The following SORCS3 variants were observed in gnomAD, a reference collection of about 807,000 sequenced individuals.
The protein encoded by SORCS3 is VPS10 domain-containing receptor SorCS3.
Under a neutral mutation model 146.3 loss-of-function variants are expected in SORCS3, and 57 were observed. The ratio of observed to expected loss-of-function variants is 0.39; its 90% CI spans 0.31 to 0.49. The LOEUF (loss-of-function observed/expected upper bound fraction) is 0.49. Among genes scored for constraint, SORCS3 ranks in the 20% least tolerant of loss-of-function variants. The pLI, the probability that SORCS3 is intolerant of heterozygous loss-of-function variation, is 0.92. For synonymous variants in SORCS3, 653 were observed against 618.5 expected (o/e 1.06, Z -0.83); for missense variants, 1,341 against 1,575.5 (o/e 0.85, Z 2.52).
At chr10:104,819,877 G>A (rs145316731) in intron 1 of SORCS3, among the ~76,000 whole-genome samples, 2,120 of 152,288 alleles carry the variant, frequency 0.014, 32 homozygotes, top group African/African-American at 0.036. Context: ...AGGCAGTGAC[G>A]TGGCCTTCAC....
intron 7 of SORCS3, among the ~76,000 whole-genome samples, chr10:105,132,775 G>C (rs1288921746): frequency 6.6e-6 from 1 of 152,180 alleles, no homozygotes; most frequent in Non-Finnish European, 1.5e-5. Context: ...TAACGAACCA[G>C]TCATTAGTAA....
intron 1 of SORCS3, among the ~76,000 whole-genome samples, chr10:104,748,540 C>G (rs764215605): frequency 1.3e-5 from 2 of 152,052 alleles, no homozygotes; most frequent in Non-Finnish European, 2.9e-5. Context: ...AGGAAAAATC[C>G]AGGCCTCAGG....
At chr10:105,174,666 TG>T (rs111403675) in intron 13 of SORCS3, among the ~76,000 whole-genome samples, 15,180 of 152,184 alleles carry the variant, frequency 0.1, 859 homozygotes, top group Middle Eastern at 0.16. Flanking sequence ...ATGTCATCTT[TG>T]GGCTTCAGTT....
chr10:105,071,631 G>A (rs2055557109), intron 5 of SORCS3, among the ~76,000 whole-genome samples: 1 of 152,146 alleles, frequency 6.6e-6, no homozygotes, highest in Non-Finnish European at 1.5e-5. Context: ...ATAGAGAAAA[G>A]GGTATCGATC....
intron 4 of SORCS3, among the ~76,000 whole-genome samples, chr10:104,994,640 G>T (rs1171574149): frequency 6.6e-6 from 1 of 151,978 alleles, no homozygotes; most frequent in Non-Finnish European, 1.5e-5. Flanking sequence ...CACAATTGGT[G>T]GTACTCTTTA....
At chr10:104,975,560 T>C (rs965912347) in intron 3 of SORCS3, among the ~76,000 whole-genome samples, 1 of 152,108 alleles carries the variant, frequency 6.6e-6, no homozygotes, top group Admixed American at 6.6e-5. Context: ...GAAAAAACTA[T>C]TTTAAAGTTC....
chr10:104,940,238 A>ATATATATATATATATATT (rs1435205868), intron 3 of SORCS3, among the ~76,000 whole-genome samples: 15 of 31,470 alleles, frequency 4.8e-4, no homozygotes, highest in East Asian at 2.1e-3. Context: ...ATATATATAT[A>ATATATATATATATATATT]TTTTTTTTTT....
At chr10:105,101,279 T>C (rs1269323288) in intron 6 of SORCS3, among the ~76,000 whole-genome samples, 2 of 152,176 alleles carry the variant, frequency 1.3e-5, no homozygotes, top group African/African-American at 4.8e-5. Flanking sequence ...CGAAATGATA[T>C]TCCCTGCTCA....
At chr10:105,124,778 G>T (rs7073582) in intron 7 of SORCS3, among the ~76,000 whole-genome samples, 3,739 of 152,120 alleles carry the variant, frequency 0.025, 154 homozygotes, top group African/African-American at 0.085. Context: ...CTCGAGGCCA[G>T]GCAAGATTGC....
chr10:104,863,044 A>G (rs1226865160), intron 2 of SORCS3, among the ~76,000 whole-genome samples: 1 of 152,232 alleles, frequency 6.6e-6, no homozygotes, highest in Non-Finnish European at 1.5e-5. Context: ...CTCCCCAAGT[A>G]GGTACGTTAT....
At chr10:105,108,757 A>G (rs1401747736) in intron 7 of SORCS3, among the ~76,000 whole-genome samples, 1 of 152,240 alleles carries the variant, frequency 6.6e-6, no homozygotes, top group South Asian at 2.1e-4. Context: ...CACAGATTAC[A>G]TGGTATCATT....
At chr10:105,065,531 C>T (rs1207764267) in intron 5 of SORCS3, among the ~76,000 whole-genome samples, 1 of 151,940 alleles carries the variant, frequency 6.6e-6, no homozygotes, top group Non-Finnish European at 1.5e-5. Flanking sequence ...GGGGTAGAAA[C>T]TTCTAGATCA....
intron 14 of SORCS3, among the ~76,000 whole-genome samples, chr10:105,186,794 G>A (rs1589678989): frequency 6.7e-6 from 1 of 150,132 alleles, no homozygotes; most frequent in East Asian, 2.0e-4. Context: ...TGAGGTGGGA[G>A]AATCGCTTGA....
At chr10:105,134,263 A>C (rs181101049) in intron 7 of SORCS3, among the ~76,000 whole-genome samples, 22 of 152,192 alleles carry the variant, frequency 1.4e-4, no homozygotes, top group Admixed American at 1.3e-3. Flanking sequence ...AAATTAGGTA[A>C]TTTTCATAAA....
intron 1 of SORCS3, among the ~76,000 whole-genome samples, chr10:104,724,022 C>T (rs1454279912): frequency 8.5e-5 from 13 of 152,078 alleles, no homozygotes; most frequent in African/African-American, 1.2e-4. Flanking sequence ...GTCATTATGA[C>T]GTTAGCTGGT....
intron 20 of SORCS3, among the ~76,000 whole-genome samples, chr10:105,224,616 C>G (rs1198202458): frequency 6.6e-6 from 1 of 152,148 alleles, no homozygotes; most frequent in Non-Finnish European, 1.5e-5. Flanking sequence ...AGCATGATTT[C>G]TGGATCTTAT....
At chr10:104,978,952 G>T (rs2054917690) in intron 4 of SORCS3, among the ~76,000 whole-genome samples, 1 of 151,988 alleles carries the variant, frequency 6.6e-6, no homozygotes, top group Admixed American at 6.6e-5. Context: ...TCTTTCAGTT[G>T]CTTGCCCTAC....
chr10:105,254,248 G>C (rs1401663478), intron 23 of SORCS3, among the ~76,000 whole-genome samples: 1 of 152,242 alleles, frequency 6.6e-6, no homozygotes, highest in South Asian at 2.1e-4. Flanking sequence ...AATCCTGGCA[G>C]CGGCCTACAT....
At chr10:105,216,500 AC>A (rs2056665924) in intron 18 of SORCS3, among the ~76,000 whole-genome samples, 2 of 152,278 alleles carry the variant, frequency 1.3e-5, no homozygotes, top group African/African-American at 4.8e-5. Flanking sequence ...GGACAAAAAT[AC>A]TTTCTATAAT....
Sources: allele counts gnomAD v4.1 joint callset (sites outside exome capture counted in the v4.1 genomes callset), GRCh38; gene constraint gnomAD v4.1.1; transcripts MANE v1.5; gene names NCBI Gene and HGNC (gene_info 2026-07-23, HGNC 2026-07-21).